The following NDNF variants were observed in gnomAD, a reference collection of about 807,000 sequenced individuals.
The protein encoded by NDNF is protein NDNF.
A neutral mutation model predicts 42.0 loss-of-function variants in NDNF; 16 were observed. The ratio of observed to expected loss-of-function variants is 0.38; its 90% confidence interval spans 0.26 to 0.58. The LOEUF (loss-of-function observed/expected upper bound fraction) is 0.58. Among genes scored for constraint, NDNF ranks in the 20% least tolerant of loss-of-function variants. The pLI is 0.67. For synonymous variants in NDNF, 248 were observed against 251.7 expected (o/e 0.99, Z 0.14); for missense variants, 616 against 666.2 (o/e 0.92, Z 0.83).
At chr4:121,058,489 T>C (rs1286261882) in intron 1 of NDNF, among the ~76,000 whole-genome samples, 1 of 152,148 alleles carries the variant, frequency 6.6e-6, no homozygotes, top group African/African-American at 2.4e-5. Context: ...GGGCAGATGA[T>C]GCAACTGCTC....
chr4:121,037,771 T>C (rs1726905086), intron 3 of NDNF, 114 bp from the exon 4 acceptor site: 2 of 649,624 alleles, frequency 3.1e-6, no homozygotes, highest in Non-Finnish European at 5.0e-6. Flanking sequence ...TACATGTTCA[T>C]AAGTAAAAAT....
At chr4:121,048,470 T>G (rs929435200) in intron 1 of NDNF, among the ~76,000 whole-genome samples, 2 of 152,148 alleles carry the variant, frequency 1.3e-5, no homozygotes, top group Non-Finnish European at 2.9e-5. Flanking sequence ...GGAAAAATAG[T>G]GTCGATTGAT....
chr4:121,039,902 C>T (rs1481727063), intron 3 of NDNF, 28 bp downstream of exon 3: 2 of 1,604,200 alleles, frequency 1.2e-6, no homozygotes, highest in Non-Finnish European at 1.7e-6. Flanking sequence ...ATTCAAAGGT[C>T]CAGGGGCAGA....
chr4:121,037,474 G>C lies in NDNF; in HGVS notation c.497C>G (p.Thr166Ser). Reference protein sequence around the residue: ...DTHFKVYATTTPESDQPYPEL... With the variant: ...DTHFKVYATTSPESDQPYPEL... ...AGGGTATGGCTGATCAGATTCTGGA[G>C]TTGTGGTGGCATATACTTTGAAATG... is the stretch of plus-strand genomic sequence containing the variant. The change falls in exon 4 of 4, where the codon ACT (threonine) becomes AGT (serine). Residue 166 changes from threonine (T) to serine (S), a missense_variant. Physicochemically the swap from Thr to Ser is moderately conservative, Grantham distance 58 (BLOSUM62 1). Coordinates refer to ENST00000379692, the MANE Select transcript of NDNF (RefSeq NM_024574.4). 6.2e-7 allele frequency: 1 copy of C among 1,614,172 alleles called. No individual in the cohort carries two copies. Among genetic ancestry groups the C allele is most frequent in the Non-Finnish European group, 8.5e-7 (1 of 1,180,036 alleles).
At chr4:121,052,127 G>T (rs1362305133) in intron 1 of NDNF, among the ~76,000 whole-genome samples, 1 of 152,132 alleles carries the variant, frequency 6.6e-6, no homozygotes, top group Non-Finnish European at 1.5e-5. Context: ...GTTCTTTGCA[G>T]AAATGTATAA....
intron 3 of NDNF, 74 bp from the exon 4 acceptor site, chr4:121,037,731 T>C: frequency 9.1e-7 from 1 of 1,092,976 alleles, no homozygotes; most frequent in Non-Finnish European, 1.3e-6. Flanking sequence ...GTTATCCTTT[T>C]ATCTTATTTT....
rs1053021247 is a variant in NDNF at position 121,036,482 on chromosome 4, C to G, written c.1489G>C (p.Glu497Gln). The change falls in exon 4 of 4, where the codon GAG (glutamate) becomes CAG (glutamine). Residue 497 changes from glutamate to glutamine, a missense_variant. Physicochemically the swap from Glu to Gln is conservative, Grantham distance 29. Coordinates refer to ENST00000379692, the MANE Select transcript of NDNF (RefSeq NM_024574.4). ...DNYNEDQKKR[E>Q]QNQCLGPDIR... ...TCTGGTCCTAGACATTGGTTTTGCT[C>G]TCTTTTCTTCTGGTCTTCATTGTAG... The G allele has an allele frequency of 2.5e-6, 4 of 1,614,146 alleles. No individual in the cohort carries two copies. The highest frequency in any genetic ancestry group is 3.4e-6 in the Non-Finnish European group (4 of 1,180,016).
In NDNF at chr4:121,071,110, C is replaced by T. The variant is rs558140420; in HGVS notation, c.-2+883G>A. ...CAGCTGGGACCTGCAATCACTCGTT[C>T]GGACTCCTAGGTTATCGGGGCCGCG... On this transcript the variant is annotated intron_variant, in intron 1 of 3. Coordinates refer to ENST00000379692, the MANE Select transcript of NDNF (RefSeq NM_024574.4). 1.7e-4 allele frequency among the ~76,000 whole-genome samples: 26 copies of T among 152,288 alleles called. No homozygotes were observed. In the South Asian group the frequency reaches 5.4e-3, roughly 32 times the overall value.
chr4:121,046,693 T>TTTC (rs1727099707), intron 1 of NDNF, among the ~76,000 whole-genome samples: 2 of 152,244 alleles, frequency 1.3e-5, no homozygotes, highest in Non-Finnish European at 2.9e-5. Flanking sequence ...CAGAGAGTAC[T>TTTC]TTCACTGAGT....
At chr4:121,039,180 G>GTA (rs1726941807) in intron 3 of NDNF, among the ~76,000 whole-genome samples, 2 of 7,764 alleles carry the variant, frequency 2.6e-4, no homozygotes, top group Non-Finnish European at 8.3e-4. Context: ...TAAAGACTAT[G>GTA]TGTGTGTGTG....
Position 121,036,153 on chromosome 4 carries a change from G to T in NDNF, c.*111C>A. On this transcript the variant is annotated 3_prime_UTR_variant, in exon 4 of 4. Transcript: ENST00000379692. ...ACACGTTGATATCCTTCCTTCCATA[G>T]TACAAGTACAGGTCACAACTTCTCT... 8.2e-6 allele frequency: 7 copies of T among 849,380 alleles called. No homozygotes were observed. The East Asian group carries it at 9.7e-5, about 12-fold the overall frequency. 52.6% of individuals were successfully genotyped at this position (849,380 alleles called of 1,614,324 possible).
At chr4:121,059,205 C>T (rs796843065) in intron 1 of NDNF, among the ~76,000 whole-genome samples, 5 of 152,244 alleles carry the variant, frequency 3.3e-5, no homozygotes, top group African/African-American at 1.2e-4. Flanking sequence ...TCTGGAGTTT[C>T]CTAAGGGTAG....
intron 1 of NDNF, among the ~76,000 whole-genome samples, chr4:121,046,580 C>T (rs560064998): frequency 3.9e-5 from 6 of 152,322 alleles, no homozygotes; most frequent in South Asian, 2.1e-4. Context: ...TTCAACACAA[C>T]GTTGACATAT....
intron 3 of NDNF, 58 bp from the exon 4 acceptor site, chr4:121,037,715 C>A (rs1466624415): frequency 2.3e-6 from 3 of 1,285,492 alleles, no homozygotes; most frequent in Non-Finnish European, 3.2e-6. Context: ...GGCTTGCCAA[C>A]CTTAAGTTAT....
chr4:121,037,563 A>G lies in NDNF; in HGVS notation c.408T>C (p.Phe136=), dbSNP rs1286283234. The G allele has an allele frequency of 1.2e-6, 2 of 1,613,812 alleles. No homozygotes were observed. Among genetic ancestry groups the G allele is most frequent in the Non-Finnish European group, 1.7e-6 (2 of 1,179,890 alleles). Residue 136 remains phenylalanine (F), a synonymous_variant, in exon 4 of 4, where the codon TTT becomes TTC. Coordinates refer to ENST00000379692, the MANE Select transcript of NDNF (RefSeq NM_024574.4). ...AACCGGATGGGGAACTAGACGATAT[A>G]AAATACTCAACATCATTGCCTTTGT... ...FSYKGNDVEY[F]ISSSSPSGLY...
intron 1 of NDNF, among the ~76,000 whole-genome samples, chr4:121,058,902 C>G (rs904966036): frequency 6.6e-5 from 10 of 152,018 alleles, no homozygotes; most frequent in South Asian, 6.3e-4. Flanking sequence ...AGATGGCTTC[C>G]CATTACCGAG....
chr4:121,036,867 G>C lies in NDNF; in HGVS notation c.1104C>G (p.Val368=), dbSNP rs1478879556. The C allele has an allele frequency of 4.3e-6, 7 of 1,614,070 alleles. No individual in the cohort carries two copies. Among genetic ancestry groups the C allele is most frequent in the Middle Eastern group, 1.6e-4 (1 of 6,062 alleles). The part of the protein sequence containing the change: ...KGAKFLRFAP[V]SSHQKVTFFI... ...AGAAGGTGACTTTTTGGTGAGAAGA[G>C]ACTGGAGCAAACCGTAGAAACTTTG... Residue 368 remains valine, a synonymous_variant, in exon 4 of 4, where the codon GTC becomes GTG. Transcript: ENST00000379692.
chr4:121,052,459 C>T (rs913067663), intron 1 of NDNF, among the ~76,000 whole-genome samples: 2 of 152,212 alleles, frequency 1.3e-5, no homozygotes, highest in Non-Finnish European at 2.9e-5. Context: ...AAGGAATGGT[C>T]TGCCACAGAG....
At chr4:121,038,048 A>C (rs1560602683) in intron 3 of NDNF, 1 of 168,300 alleles carries the variant, frequency 5.9e-6, no homozygotes, top group Non-Finnish European at 1.3e-5. Flanking sequence ...TCTGATTAAA[A>C]TACACAATAT....
Sources: allele counts gnomAD v4.1 joint callset (sites outside exome capture counted in the v4.1 genomes callset), GRCh38; gene constraint gnomAD v4.1.1; transcripts MANE v1.5; gene names NCBI Gene and HGNC (gene_info 2026-07-23, HGNC 2026-07-21).